The following CCDC178 variants were observed in gnomAD, a reference collection of about 807,000 sequenced individuals.
The protein encoded by CCDC178 is coiled-coil domain-containing protein 178.
A neutral mutation model predicts 117.4 loss-of-function variants in CCDC178; 126 were observed. That is an observed-to-expected ratio of 1.07 (90% CI 0.93 to 1.24). The LOEUF (loss-of-function observed/expected upper bound fraction) is 1.24. Among genes scored for constraint, CCDC178 ranks in the 50% most tolerant of loss-of-function variants. The probability of loss-of-function intolerance (pLI) is 0.00; values close to 1 mark genes in which losing one functional copy is unlikely to be tolerated. For synonymous variants in CCDC178, 283 were observed against 313.4 expected, an observed-to-expected ratio of 0.90 and a Z score of 1.02; for missense variants, 1,030 against 986.9, an observed-to-expected ratio of 1.04 and a Z score of -0.59.
At chr18:33,301,056 T>C (rs1386706631) in intron 11 of CCDC178, among the ~76,000 whole-genome samples, 2 of 152,230 alleles carry the variant, frequency 1.3e-5, no homozygotes, top group Non-Finnish European at 2.9e-5. Flanking sequence ...GAAAGAACTG[T>C]TTCAGGGGGC....
chr18:32,993,653 G>C (rs1178817013), intron 21 of CCDC178, among the ~76,000 whole-genome samples: 1 of 152,160 alleles, frequency 6.6e-6, no homozygotes, highest in African/African-American at 2.4e-5. Context: ...ATCATGCACA[G>C]ATAGGGATTA....
chr18:33,385,288 T>C (rs1225443776), intron 5 of CCDC178, among the ~76,000 whole-genome samples: 30 of 152,292 alleles, frequency 2.0e-4, no homozygotes, highest in Non-Finnish European at 7.4e-5. Context: ...TAACTCACTG[T>C]CAGTATTAGA....
At chr18:33,086,893 C>CCAAAAG (rs1434058985) in intron 21 of CCDC178, among the ~76,000 whole-genome samples, 3 of 150,884 alleles carry the variant, frequency 2.0e-5, no homozygotes, top group Non-Finnish European at 2.9e-5. Context: ...CTTCTAGATG[C>CCAAAAG]CAGAGGCAAC....
At chr18:33,418,937 T>G (rs998904769) in intron 2 of CCDC178, among the ~76,000 whole-genome samples, 1 of 152,182 alleles carries the variant, frequency 6.6e-6, no homozygotes, top group African/African-American at 2.4e-5. Context: ...TTCATTGCTA[T>G]TCCTACAAAA....
intron 21 of CCDC178, among the ~76,000 whole-genome samples, chr18:33,048,776 A>C (rs538100341): frequency 6.6e-6 from 1 of 152,156 alleles, no homozygotes; most frequent in Non-Finnish European, 1.5e-5. Context: ...TAGATAGTGA[A>C]AAAGAATGAG....
At chr18:33,203,176 T>C (rs527265453) in intron 20 of CCDC178, among the ~76,000 whole-genome samples, 24 of 152,326 alleles carry the variant, frequency 1.6e-4, no homozygotes, top group Non-Finnish European at 3.2e-4. Context: ...CAATTTAATA[T>C]ACATATTTGC....
At chr18:33,253,789 G>A (rs1433665715) in intron 14 of CCDC178, among the ~76,000 whole-genome samples, 3 of 151,842 alleles carry the variant, frequency 2.0e-5, no homozygotes, top group Admixed American at 2.0e-4. Flanking sequence ...TTGGAGTTAA[G>A]TAGACCTGTA....
intron 21 of CCDC178, among the ~76,000 whole-genome samples, chr18:33,031,237 G>C (rs1365796867): frequency 1.3e-5 from 2 of 149,790 alleles, no homozygotes; most frequent in Non-Finnish European, 3.0e-5. Flanking sequence ...ACATATTTTT[G>C]GAGTTTTTTT....
chr18:33,092,658 G>T, intron 21 of CCDC178, 103 bp downstream of exon 21: 1 of 651,970 alleles, frequency 1.5e-6, no homozygotes, highest in South Asian at 2.2e-5. Context: ...CCATGTTGTG[G>T]ATATCATCGT....
intron 4 of CCDC178, among the ~76,000 whole-genome samples, chr18:33,393,514 AC>A (rs1280485879): frequency 5.3e-5 from 8 of 152,138 alleles, no homozygotes. Context: ...ACTATAGGCA[AC>A]TGTTATTTTG....
chr18:33,363,381 C>T (rs1278035630), intron 6 of CCDC178, among the ~76,000 whole-genome samples: 1 of 151,994 alleles, frequency 6.6e-6, no homozygotes, highest in Non-Finnish European at 1.5e-5. Context: ...GAGATAGGAA[C>T]TCAGATCCAT....
chr18:33,211,777 A>G lies in CCDC178; in HGVS notation c.2238+119T>C, dbSNP rs1042507331. On this transcript the variant is annotated intron_variant, in intron 20 of 22. Coordinates refer to ENST00000383096, the MANE Select transcript of CCDC178 (RefSeq NM_001105528.4). ...ACTTCCAGGTTTATTATGTTAACAA[A>G]TTTATTTTTAAAATCTTAACACCCT... 3 of 740,842 alleles carry G rather than the reference A, an allele frequency of 4.0e-6. No individual in the cohort carries two copies. The African/African-American group carries it at 5.5e-5, about 14-fold the overall frequency. The allele number at this position is 740,842 out of a possible 1,614,324, so 45.9% of individuals were successfully genotyped here.
Position 33,325,866 on chromosome 18 carries a change from C to T in CCDC178, c.880-2233G>A, listed in dbSNP as rs117654515. ...ACAACTTATATAGTATAGAATGAGA[C>T]AAGTTAAAGTGTACAATTCAGTGGC... On this transcript the variant is annotated intron_variant, in intron 10 of 22. Coordinates refer to ENST00000383096, the MANE Select transcript of CCDC178 (RefSeq NM_001105528.4). Among the ~76,000 whole-genome samples, 900 of 152,264 alleles carry T rather than the reference C, an allele frequency of 5.9e-3. 6 individuals carry two copies. Among genetic ancestry groups the T allele is most frequent in the Middle Eastern group, 0.024 (7 of 294 alleles).
intron 20 of CCDC178, among the ~76,000 whole-genome samples, chr18:33,100,321 T>A (rs1374307892): frequency 1.3e-5 from 2 of 151,962 alleles, no homozygotes; most frequent in Non-Finnish European, 2.9e-5. Flanking sequence ...TTTTTGAACA[T>A]CTTTTGTTAA....
At chr18:33,108,223 A>G (rs769391538) in intron 20 of CCDC178, among the ~76,000 whole-genome samples, 2 of 151,634 alleles carry the variant, frequency 1.3e-5, no homozygotes, top group Non-Finnish European at 3.0e-5. Context: ...GCTTTCAAAC[A>G]TATCTATGTC....
At chr18:33,193,083 C>A (rs1219552103) in intron 20 of CCDC178, among the ~76,000 whole-genome samples, 1 of 150,416 alleles carries the variant, frequency 6.6e-6, no homozygotes, top group African/African-American at 2.4e-5. Context: ...CACGGTGAAA[C>A]CCCGTCTCTA....
chr18:33,126,826 T>C (rs2058010478), intron 20 of CCDC178, among the ~76,000 whole-genome samples: 1 of 151,838 alleles, frequency 6.6e-6, no homozygotes, highest in African/African-American at 2.4e-5. Context: ...CTGACTAATT[T>C]TTTGTATTTT....
chr18:33,132,678 C>T (rs1486538932), intron 20 of CCDC178, among the ~76,000 whole-genome samples: 1 of 151,496 alleles, frequency 6.6e-6, no homozygotes, highest in Non-Finnish European at 1.5e-5. Context: ...TCTGCTTCTT[C>T]CTCTTTATTG....
chr18:33,414,099 A>G (rs1179018365), intron 2 of CCDC178, among the ~76,000 whole-genome samples: 1 of 152,204 alleles, frequency 6.6e-6, no homozygotes, highest in Admixed American at 6.5e-5. Flanking sequence ...CAGATAATAT[A>G]TCACTAGAAA....
Sources: gnomAD v4.1 joint callset for allele counts (sites outside exome capture counted in the v4.1 genomes callset) on GRCh38, gnomAD v4.1.1 for gene constraint, MANE v1.5 for transcripts, NCBI Gene and HGNC (gene_info 2026-07-23, HGNC 2026-07-21) for gene names.